UNC13C: variants seen among roughly 807,000 people sequenced by gnomAD.
The protein encoded by UNC13C is protein unc-13 homolog C.
In UNC13C, 174 loss-of-function variants were observed where a neutral mutation model predicts 245.4. The observed-to-expected ratio is 0.71, with a 90% confidence interval of 0.63 to 0.80. The LOEUF is 0.80. Among genes scored for constraint, UNC13C ranks in the 30% least tolerant of loss-of-function variants. The pLI, the probability that UNC13C is intolerant of heterozygous loss-of-function variation, is 0.00. For synonymous variants in UNC13C, 992 were observed against 895.1 expected (o/e 1.11, Z -1.93); for missense variants, 2,829 against 2,602.9 (o/e 1.09, Z -1.89).
At chr15:53,969,869 T>C in the UNC13C span, among the ~76,000 whole-genome samples, 22 of 152,182 alleles carry the variant, frequency 1.4e-4, no homozygotes, top group African/African-American at 4.6e-4. Context: ...ACTTTCTGTT[T>C]TCCCCCTCCC....
intron 1 of UNC13C, among the ~76,000 whole-genome samples, chr15:53,990,856 G>A (rs1218530138): frequency 6.6e-6 from 1 of 151,968 alleles, no homozygotes; most frequent in Admixed American, 6.6e-5. Flanking sequence ...GTGGCCAGGT[G>A]GCAACCATAT....
intron 19 of UNC13C, among the ~76,000 whole-genome samples, chr15:54,447,301 A>C (rs1890870651): frequency 6.6e-6 from 1 of 152,182 alleles, no homozygotes; most frequent in Admixed American, 6.5e-5. Flanking sequence ...TGAGTTAGGG[A>C]GGATTCCCTC....
chr15:54,074,358 TG>T lies in UNC13C; in HGVS notation c.2983+58475del, dbSNP rs564405285. ...TTTGTTTAGGATTTTCTTGGCTATG[TG>T]GGCTCTTTTTGGTTCCATATGAAAT... On this transcript the variant is annotated intron_variant, in intron 2 of 32. Coordinates refer to ENST00000260323, the MANE Select transcript of UNC13C (RefSeq NM_001080534.3). Among the ~76,000 whole-genome samples the T allele has an allele frequency of 3.2e-3, 483 of 152,310 alleles. 6 individuals are homozygous for T. The highest frequency in any genetic ancestry group is 0.011 in the African/African-American group (453 of 41,576).
At chr15:54,317,894 C>G (rs1596208048) in intron 13 of UNC13C, among the ~76,000 whole-genome samples, 1 of 151,966 alleles carries the variant, frequency 6.6e-6, no homozygotes, top group Admixed American at 6.6e-5. Flanking sequence ...AACCCTGCAC[C>G]CCCTAACTGC....
intron 2 of UNC13C, among the ~76,000 whole-genome samples, chr15:54,083,006 G>A (rs1899036819): frequency 2.6e-5 from 4 of 152,098 alleles, no homozygotes; most frequent in African/African-American, 7.2e-5. Flanking sequence ...AAGACCCTCC[G>A]GAAGATTTTT....
chr15:54,070,904 C>A (rs1898292522), intron 2 of UNC13C, among the ~76,000 whole-genome samples: 1 of 152,102 alleles, frequency 6.6e-6, no homozygotes, highest in Non-Finnish European at 1.5e-5. Context: ...TTTAATAGAC[C>A]ACACTATCAT....
chr15:53,987,287 T>G (rs1285411430), intron 1 of UNC13C, among the ~76,000 whole-genome samples: 1 of 152,062 alleles, frequency 6.6e-6, no homozygotes, highest in Non-Finnish European at 1.5e-5. Context: ...TTTATTTAGC[T>G]TGGGAGGTAG....
chr15:54,061,792 G>T (rs898028299), intron 2 of UNC13C, among the ~76,000 whole-genome samples: 3 of 152,092 alleles, frequency 2.0e-5, no homozygotes, highest in Admixed American at 1.3e-4. Context: ...GAGGCAGAAA[G>T]AATTAAGGAG....
intron 2 of UNC13C, chr15:54,050,563 A>C: frequency 2.2e-6 from 1 of 445,462 alleles, no homozygotes; most frequent in South Asian, 1.8e-5. Context: ...TATTCTCCAG[A>C]GTGAGCTGCT....
Position 54,015,456 on chromosome 15 carries a change from T to C in UNC13C, c.2553T>C (p.Asp851=), listed in dbSNP as rs1895606085. Residue 851 remains aspartate (D), a synonymous_variant, in exon 2 of 33, where the codon GAT becomes GAC. Coordinates refer to ENST00000260323, the MANE Select transcript of UNC13C (RefSeq NM_001080534.3). ...AGTCAAGTACCACACTTGACTCTGA[T>C]GTCTACACGGAGCCCTATTACTATA... The part of the protein sequence containing the change: ...ANESSTTLDS[D]VYTEPYYYKA... 1 of 1,613,676 alleles carries C rather than the reference T, an allele frequency of 6.2e-7. No homozygotes were observed. Among genetic ancestry groups the C allele is most frequent in the Non-Finnish European group, 8.5e-7 (1 of 1,179,812 alleles).
At chr15:54,423,374 A>T (rs541342497) in intron 19 of UNC13C, among the ~76,000 whole-genome samples, 2 of 151,964 alleles carry the variant, frequency 1.3e-5, no homozygotes, top group South Asian at 4.1e-4. Flanking sequence ...CATATTTTAG[A>T]TATATTCAGA....
chr15:54,470,202 GATATAATGAAA>G (rs1892386853), intron 19 of UNC13C, among the ~76,000 whole-genome samples: 1 of 151,438 alleles, frequency 6.6e-6, no homozygotes, highest in African/African-American at 2.4e-5. Flanking sequence ...TGTTCATCAG[GATATAATGAAA>G]ATAAATGTAT....
intron 2 of UNC13C, among the ~76,000 whole-genome samples, chr15:54,079,820 A>T (rs1898838445): frequency 6.6e-6 from 1 of 151,822 alleles, no homozygotes; most frequent in Non-Finnish European, 1.5e-5. Context: ...TTGCTTAATT[A>T]TTCTGGCTAG....
At chr15:54,149,648 A>C (rs948597797) in intron 4 of UNC13C, among the ~76,000 whole-genome samples, 5 of 152,206 alleles carry the variant, frequency 3.3e-5, no homozygotes, top group African/African-American at 4.8e-5. Flanking sequence ...ACACTGTTAA[A>C]GATCAATGTC....
At chr15:54,366,165 C>A (rs573237308) in intron 17 of UNC13C, among the ~76,000 whole-genome samples, 1 of 152,018 alleles carries the variant, frequency 6.6e-6, no homozygotes, top group African/African-American at 2.4e-5. Flanking sequence ...TCAAAAGCAT[C>A]GTTTATTATG....
the UNC13C span, among the ~76,000 whole-genome samples, chr15:53,880,384 G>A: frequency 6.6e-6 from 1 of 152,190 alleles, no homozygotes; most frequent in African/African-American, 2.4e-5. Flanking sequence ...AAGTTAACTT[G>A]TGTTGCGGCT....
chr15:54,378,652 T>G (rs2039656708), intron 17 of UNC13C, among the ~76,000 whole-genome samples: 1 of 151,754 alleles, frequency 6.6e-6, no homozygotes, highest in Admixed American at 6.6e-5. Context: ...ATATTAGGAA[T>G]CTAAAGTTTT....
chr15:54,124,825 CT>C (rs956365523), intron 2 of UNC13C, among the ~76,000 whole-genome samples: 14 of 150,896 alleles, frequency 9.3e-5, no homozygotes, highest in African/African-American at 3.4e-4. Context: ...AAAGTTTCCT[CT>C]TTTTAAAATT....
chr15:53,940,947 GA>G, the UNC13C span, among the ~76,000 whole-genome samples: 1 of 151,756 alleles, frequency 6.6e-6, no homozygotes, highest in Non-Finnish European at 1.5e-5. Context: ...TGACAAATTA[GA>G]AAAAAAATCT....
Sources: allele counts gnomAD v4.1 joint callset (sites outside exome capture counted in the v4.1 genomes callset), GRCh38; gene constraint gnomAD v4.1.1; transcripts MANE v1.5; gene names NCBI Gene and HGNC (gene_info 2026-07-23, HGNC 2026-07-21).